The following INTS7 variants were observed in gnomAD, a reference collection of about 807,000 sequenced individuals.
The protein encoded by INTS7 is chromosome 1 open reading frame 73.
A neutral mutation model predicts 109.2 loss-of-function variants in INTS7; 46 were observed. The ratio of observed to expected loss-of-function variants is 0.42; its 90% confidence interval spans 0.33 to 0.54. The LOEUF (loss-of-function observed/expected upper bound fraction) is 0.54. Ranked by LOEUF, INTS7 falls within the 20% of genes least tolerant of loss-of-function variation. The probability of loss-of-function intolerance (pLI) is 0.07; values close to 1 mark genes in which losing one functional copy is unlikely to be tolerated. For synonymous variants in INTS7, 412 were observed against 402.9 expected (o/e 1.02, Z -0.27); for missense variants, 929 against 1,132.4 (o/e 0.82, Z 2.58).
intron 16 of INTS7, among the ~76,000 whole-genome samples, chr1:211,957,660 AC>A (rs1439915128): frequency 3.3e-5 from 5 of 152,166 alleles, no homozygotes; most frequent in African/African-American, 4.8e-5. Flanking sequence ...GCTGTCCGTA[AC>A]CTTTTTCATT....
chr1:211,975,984 G>A (rs1176911345), intron 12 of INTS7, among the ~76,000 whole-genome samples: 1 of 151,434 alleles, frequency 6.6e-6, no homozygotes, highest in East Asian at 1.9e-4. Context: ...ATTTTTAGTA[G>A]AGACAGGCTT....
rs148386324 is a variant in INTS7 at position 211,976,864 on chromosome 1, A to C, written c.1471-145T>G. On this transcript the variant is annotated intron_variant, in intron 11 of 19. Transcript: ENST00000366994. ...TCCAATGACATTTATTTAATTTTTT[A>C]TTTTGAAGTCATTAATTTATTCCAT... The C allele has an allele frequency of 4.9e-4, 347 of 706,472 alleles. 1 individual carries two copies. In the African/African-American group the frequency reaches 5.5e-3, roughly 11 times the overall value. 43.8% of individuals were successfully genotyped at this position (706,472 alleles called of 1,614,324 possible).
chr1:211,977,469 C>T (rs1664470142), intron 11 of INTS7, among the ~76,000 whole-genome samples: 1 of 152,166 alleles, frequency 6.6e-6, no homozygotes, highest in Admixed American at 6.5e-5. Flanking sequence ...ATATAAAGAT[C>T]CATACATTTG....
chr1:212,021,009 A>T, intron 2 of INTS7, 74 bp downstream of exon 2: 1 of 1,403,028 alleles, frequency 7.1e-7, no homozygotes, highest in East Asian at 2.3e-5. Context: ...AAAGGCAAAA[A>T]GAAAAAGACC....
intron 16 of INTS7, among the ~76,000 whole-genome samples, chr1:211,958,693 T>A (rs1319451193): frequency 6.6e-6 from 1 of 152,234 alleles, no homozygotes; most frequent in Non-Finnish European, 1.5e-5. Flanking sequence ...TGACTCTTCA[T>A]TTTTTCAGCC....
chr1:211,991,257 A>C (rs1337558018), intron 7 of INTS7, among the ~76,000 whole-genome samples: 1 of 152,234 alleles, frequency 6.6e-6, no homozygotes, highest in Non-Finnish European at 1.5e-5. Context: ...AGGCATTTGG[A>C]ATCTAAGATA....
At chr1:212,028,850 GCA>G (rs569716191) in intron 1 of INTS7, among the ~76,000 whole-genome samples, 174 of 152,226 alleles carry the variant, frequency 1.1e-3, no homozygotes, top group African/African-American at 4.1e-3. Context: ...GAGGAAACAG[GCA>G]CAGACAAGCT....
At chr1:212,019,777 C>T (rs556122613) in intron 3 of INTS7, among the ~76,000 whole-genome samples, 1 of 152,174 alleles carries the variant, frequency 6.6e-6, no homozygotes, top group South Asian at 2.1e-4. Flanking sequence ...ATATAGAAAA[C>T]TGACAGAAAA....
intron 7 of INTS7, among the ~76,000 whole-genome samples, chr1:211,999,733 G>A (rs1037219415): frequency 2.6e-5 from 4 of 151,902 alleles, no homozygotes; most frequent in Non-Finnish European, 5.9e-5. Flanking sequence ...TTATTAAACG[G>A]AAAAAATAAA....
intron 8 of INTS7, among the ~76,000 whole-genome samples, chr1:211,987,593 C>T (rs566424858): frequency 6.6e-6 from 1 of 151,926 alleles, no homozygotes; most frequent in African/African-American, 2.4e-5. Flanking sequence ...CAGAGATACA[C>T]AAAAGCAAAC....
At chr1:211,990,391 GA>G (rs1208719632) in intron 7 of INTS7, among the ~76,000 whole-genome samples, 3 of 151,922 alleles carry the variant, frequency 2.0e-5, no homozygotes, top group Non-Finnish European at 4.4e-5. Flanking sequence ...CACTTGTAAA[GA>G]AAAAAAGATG....
chr1:211,976,685 T>C lies in INTS7; in HGVS notation c.1505A>G (p.Gln502Arg), dbSNP rs769783736. The change falls in exon 12 of 20, where the codon CAG becomes CGG. Residue 502 changes from glutamine (Q) to arginine (R), a missense_variant. This residue lies in a region of INTS7 where 787 missense variants were observed against 901.1 expected (regional missense o/e 0.87). Coordinates refer to ENST00000366994, the MANE Select transcript of INTS7 (RefSeq NM_015434.4). ...CTTACTTTCCACAGACAATGCCTTC[T>C]GACTTGCAACAAAAATCACAGTAGC... ...SLATVIFVAS[Q>R]KALSVESKAV... The C allele has an allele frequency of 1.9e-6, 3 of 1,614,094 alleles. No individual in the cohort carries two copies. Among genetic ancestry groups the C allele is most frequent in the East Asian group, 2.2e-5 (1 of 44,876 alleles).
intron 1 of INTS7, among the ~76,000 whole-genome samples, chr1:212,034,208 G>A (rs1667310825): frequency 6.6e-6 from 1 of 152,052 alleles, no homozygotes; most frequent in South Asian, 2.1e-4. Flanking sequence ...GTGCACTAAA[G>A]ATACTGAGAC....
In INTS7 at chr1:211,969,580, G is replaced by T. The variant is rs1664076620; in HGVS notation, c.1816-873C>A. On this transcript the variant is annotated intron_variant, in intron 13 of 19. Coordinates refer to ENST00000366994, the MANE Select transcript of INTS7 (RefSeq NM_015434.4). ...TTTTTTTTTTTTTTTTTTTGAGACA[G>T]GGTATCATTCTATCACCCAGGCCGG... 4.6e-5 allele frequency among the ~76,000 whole-genome samples: 6 copies of T among 131,734 alleles called. No homozygotes were observed. The Admixed American group carries it at 4.9e-4, about 11-fold the overall frequency. The allele number at this position is 131,734 out of a possible 152,430, so 86.4% of individuals were successfully genotyped here.
intron 13 of INTS7, among the ~76,000 whole-genome samples, chr1:211,972,849 C>T (rs1327948314): frequency 2.0e-5 from 3 of 152,196 alleles, no homozygotes; most frequent in Non-Finnish European, 4.4e-5. Flanking sequence ...TAGAACAGGA[C>T]CCTGAGCTTC....
chr1:211,972,595 A>G (rs1353767331), intron 13 of INTS7, among the ~76,000 whole-genome samples: 1 of 152,248 alleles, frequency 6.6e-6, no homozygotes, highest in Non-Finnish European at 1.5e-5. Flanking sequence ...GAAGGTGGAT[A>G]GCACCCAAAA....
At chr1:211,993,718 G>A (rs1665245167) in intron 7 of INTS7, among the ~76,000 whole-genome samples, 1 of 145,914 alleles carries the variant, frequency 6.9e-6, no homozygotes, top group African/African-American at 2.5e-5. Flanking sequence ...ATCAGATATT[G>A]TAAACTATTA....
chr1:211,944,763 T>C, intron 19 of INTS7, 21 bp downstream of exon 19: 1 of 1,596,396 alleles, frequency 6.3e-7, no homozygotes, highest in Non-Finnish European at 8.6e-7. Context: ...GTATCACAAT[T>C]CTGCCTCTTT....
chr1:211,958,907 G>T (rs1663483627), intron 16 of INTS7, among the ~76,000 whole-genome samples: 1 of 152,170 alleles, frequency 6.6e-6, no homozygotes, highest in Non-Finnish European at 1.5e-5. Context: ...TCTCCTAACA[G>T]ATCTTTAGAG....
Sources: gnomAD v4.1 joint callset for allele counts (sites outside exome capture counted in the v4.1 genomes callset) on GRCh38, gnomAD v4.1.1 for gene constraint, gnomAD v4.1.1 regional missense constraint, MANE v1.5 for transcripts, NCBI Gene and HGNC (gene_info 2026-07-23, HGNC 2026-07-21) for gene names.